WNK2: variants seen among roughly 807,000 people sequenced by gnomAD.
WNK2 encodes the protein serine/threonine-protein kinase WNK2.
In WNK2, 67 loss-of-function variants were observed where a neutral mutation model predicts 192.1. The ratio of observed to expected loss-of-function variants is 0.35; its 90% CI spans 0.29 to 0.43. The LOEUF (loss-of-function observed/expected upper bound fraction) is 0.43. WNK2 is among the 20% of genes least tolerant of loss of function. The pLI, the probability that WNK2 is intolerant of heterozygous loss-of-function variation, is 1.00. For synonymous variants in WNK2, 1,439 were observed against 1,393.9 expected, an observed-to-expected ratio of 1.03 and a Z score of -0.72; for missense variants, 2,698 against 3,089.7, an observed-to-expected ratio of 0.87 and a Z score of 3.01.
At chr9:93,256,265 C>T (rs765909042) in intron 9 of WNK2, 34 bp from the exon 10 acceptor site, 44 of 1,469,134 alleles carry the variant, frequency 3.0e-5, no homozygotes, top group Non-Finnish European at 4.5e-6. Context: ...TGGCCGAGAG[C>T]TGCTGCTGAG....
intron 2 of WNK2, among the ~76,000 whole-genome samples, chr9:93,189,036 C>A (rs938246502): frequency 3.3e-5 from 5 of 152,234 alleles, no homozygotes; most frequent in African/African-American, 1.2e-4. Context: ...TCACTTGCTG[C>A]CACCTTTGAG....
chr9:93,252,962 C>T lies in WNK2; in HGVS notation c.1914C>T (p.Gly638=), dbSNP rs769825333. ...GCAGCCAGCAGAGCGTGATGCTTGG[C>T]TCCCTTGCCGACGCAGCGCCGTCCC... The part of the protein sequence containing the change: ...SQSSQQSVML[G]SLADAAPSPA... Residue 638 remains glycine, a synonymous_variant, in exon 9 of 30, where the codon GGC becomes GGT. Transcript: ENST00000427277. 7 of 1,577,136 alleles carry T rather than the reference C, an allele frequency of 4.4e-6. No homozygotes were observed. The highest frequency in any genetic ancestry group is 6.0e-6 in the Non-Finnish European group (7 of 1,162,528).
intron 28 of WNK2, among the ~76,000 whole-genome samples, chr9:93,310,930 C>G (rs1159112591): frequency 6.6e-6 from 1 of 152,190 alleles, no homozygotes; most frequent in Non-Finnish European, 1.5e-5. Context: ...TACCACTGTA[C>G]TCCAGCCTGG....
At chr9:93,236,199 G>A (rs1279848918) in intron 5 of WNK2, among the ~76,000 whole-genome samples, 1 of 152,214 alleles carries the variant, frequency 6.6e-6, no homozygotes, top group East Asian at 1.9e-4. Context: ...GCCTTGGGGT[G>A]CTGGTGTGGG....
At chr9:93,194,075 C>T (rs986404345) in intron 2 of WNK2, among the ~76,000 whole-genome samples, 18 of 152,188 alleles carry the variant, frequency 1.2e-4, no homozygotes, top group South Asian at 4.1e-4. Flanking sequence ...TGATTCCAGA[C>T]GCAGACCTTA....
intron 29 of WNK2, chr9:93,318,938 A>G: frequency 7.0e-7 from 1 of 1,422,008 alleles, no homozygotes; most frequent in Non-Finnish European, 9.2e-7. Flanking sequence ...TGGGTAAATT[A>G]TTTTGGTTCA....
intron 2 of WNK2, among the ~76,000 whole-genome samples, chr9:93,189,786 C>T (rs986960145): frequency 7.9e-5 from 12 of 152,238 alleles, no homozygotes; most frequent in Admixed American, 2.6e-4. Context: ...GCCACGCAGC[C>T]TTAGGCCAGG....
chr9:93,212,172 T>C (rs1231213670), intron 2 of WNK2, among the ~76,000 whole-genome samples: 1 of 152,268 alleles, frequency 6.6e-6, no homozygotes, highest in African/African-American at 2.4e-5. Context: ...AACTCTTCAA[T>C]TGTGGGAGGT....
Position 93,308,486 on chromosome 9 carries a change from G to A in WNK2, c.6418G>A (p.Ala2140Thr), listed in dbSNP as rs763417882. The stretch of plus-strand genomic sequence containing the variant: ...GTGGACGAGCAAGACGGTGGGGGCC[G>A]CGCAGCTGAAGCCCACGCTCAACCA... The part of the protein sequence containing the change: ...DEWTSKTVGA[A>T]QLKPTLNQLK... The change falls in exon 28 of 30, where the codon GCG (alanine) becomes ACG (threonine). Residue 2140 changes from alanine to threonine, a missense_variant. Physicochemically the swap from Ala to Thr is moderately conservative, Grantham distance 58. Coordinates refer to ENST00000427277, the MANE Select transcript of WNK2 (RefSeq NM_006648.4). 15 of 1,608,724 alleles carry A rather than the reference G, an allele frequency of 9.3e-6. No individual in the cohort carries two copies. The highest frequency in any genetic ancestry group is 5.6e-5 in the South Asian group (5 of 89,548).
chr9:93,287,384 C>T (rs777259278), intron 19 of WNK2, among the ~76,000 whole-genome samples: 17 of 152,170 alleles, frequency 1.1e-4, no homozygotes, highest in Non-Finnish European at 2.1e-4. Context: ...CAGTGTTAGT[C>T]GTGGTCCCAC....
intron 27 of WNK2, chr9:93,308,125 TG>T: frequency 9.0e-7 from 1 of 1,110,956 alleles, no homozygotes; most frequent in Non-Finnish European, 1.2e-6. Flanking sequence ...GATGGCCACC[TG>T]GCACAGCCCA....
chr9:93,206,797 C>T (rs564584508), intron 2 of WNK2, among the ~76,000 whole-genome samples: 7 of 152,298 alleles, frequency 4.6e-5, no homozygotes, highest in Admixed American at 1.3e-4. Flanking sequence ...CCTGCTTCCC[C>T]GAGGCAGCTC....
chr9:93,308,663 C>A, intron 28 of WNK2, 79 bp downstream of exon 28: 1 of 1,432,340 alleles, frequency 7.0e-7, no homozygotes, highest in African/African-American at 1.4e-5. Context: ...CCCTGTGTGG[C>A]AGAGGGGTGT....
chr9:93,319,324 C>T, intron 29 of WNK2: 1 of 1,421,078 alleles, frequency 7.0e-7, no homozygotes, highest in Non-Finnish European at 9.2e-7. Context: ...ATCCACACCT[C>T]TGGAGGAGGG....
At chr9:93,248,486 G>T (rs1244466501) in intron 8 of WNK2, among the ~76,000 whole-genome samples, 1 of 152,204 alleles carries the variant, frequency 6.6e-6, no homozygotes, top group Non-Finnish European at 1.5e-5. Flanking sequence ...TGGCCCCTTG[G>T]GGGGAATGTG....
chr9:93,251,259 G>A (rs777504429), intron 8 of WNK2, among the ~76,000 whole-genome samples: 3 of 152,110 alleles, frequency 2.0e-5, no homozygotes, highest in Non-Finnish European at 4.4e-5. Context: ...GGGACTACAG[G>A]TGTGTGCCAC....
rs1261074162 is a variant in WNK2 at position 93,239,021 on chromosome 9, A to G, written c.1322+700A>G. Among the ~76,000 whole-genome samples, 1 of 152,228 alleles carries G rather than the reference A, an allele frequency of 6.6e-6. No homozygotes were observed. The highest frequency in any genetic ancestry group is 1.5e-5 in the Non-Finnish European group (1 of 68,026). On this transcript the variant is annotated intron_variant, in intron 6 of 29. Coordinates refer to ENST00000427277, the MANE Select transcript of WNK2 (RefSeq NM_006648.4). The surrounding 1 kb of genome is among the most constrained non-coding windows in gnomAD (Gnocchi z 4.2). ...CTCTGGAGCACACACAGAGGAAGCC[A>G]GGCCCCAAAGAGTGCGTGCTGTGTG...
At chr9:93,218,198 A>G (rs1164526845) in intron 2 of WNK2, among the ~76,000 whole-genome samples, 1 of 152,088 alleles carries the variant, frequency 6.6e-6, no homozygotes, top group Non-Finnish European at 1.5e-5. Context: ...TCTCCTCAGA[A>G]TTCTGTGGAA....
intron 14 of WNK2, 80 bp from the exon 15 acceptor site, chr9:93,263,486 C>T (rs1844623485): frequency 1.3e-6 from 2 of 1,540,734 alleles, no homozygotes; most frequent in Non-Finnish European, 1.8e-6. Context: ...CCAGACTGTT[C>T]CAGATAAGCT....
Sources: gnomAD v4.1 joint callset for allele counts (sites outside exome capture counted in the v4.1 genomes callset) on GRCh38, gnomAD v4.1.1 for gene constraint, Gnocchi (gnomAD v3.1) non-coding constraint, MANE v1.5 for transcripts, NCBI Gene and HGNC (gene_info 2026-07-23, HGNC 2026-07-21) for gene names.